IFT57: variants seen among roughly 807,000 people sequenced by gnomAD.
IFT57 encodes intraflagellar transport 57, also known as intraflagellar transport protein 57 homolog.
Under a neutral mutation model 56.8 loss-of-function variants are expected in IFT57, and 59 were observed. The observed-to-expected ratio is 1.04, with a 90% CI of 0.84 to 1.29. IFT57 has a LOEUF of 1.29. IFT57 is among the 50% of genes most tolerant of loss of function. IFT57 has a pLI of 0.00. For synonymous variants in IFT57, 209 were observed against 186.1 expected (o/e 1.12, Z -1.00); for missense variants, 470 against 522.1 (o/e 0.90, Z 0.97).
At chr3:108,210,756 C>A (rs1236344246) in intron 4 of IFT57, among the ~76,000 whole-genome samples, 1 of 152,052 alleles carries the variant, frequency 6.6e-6, no homozygotes, top group Non-Finnish European at 1.5e-5. Flanking sequence ...TAAAAGAGGG[C>A]TCCTTAGAAT....
rs115834344 is a variant in IFT57 at position 108,206,476 on chromosome 3, A to G, written c.654+152T>C. ...CTGGATTTTTATATTTGCTATAATTATAACATTTTATATATAGGAAAGCAA... is the reference window on the plus strand; with the variant it reads ...CTGGATTTTTATATTTGCTATAATTGTAACATTTTATATATAGGAAAGCAA... On this transcript the variant is annotated intron_variant, in intron 5 of 10. Coordinates refer to ENST00000264538, the MANE Select transcript of IFT57 (RefSeq NM_018010.4). 1,203 of 322,474 alleles carry G rather than the reference A, an allele frequency of 3.7e-3. 14 individuals carry two copies. Among genetic ancestry groups the G allele is most frequent in the African/African-American group, 0.024 (1,086 of 45,968 alleles). 20.0% of individuals were successfully genotyped at this position (322,474 alleles called of 1,614,324 possible).
intron 4 of IFT57, among the ~76,000 whole-genome samples, chr3:108,209,710 C>T (rs35876429): frequency 0.24 from 37,194 of 152,140 alleles, 5,991 homozygotes; most frequent in Non-Finnish European, 0.34. Context: ...ATTATCTTTG[C>T]CTCATTGTCA....
chr3:108,186,096 T>C lies in IFT57; in HGVS notation c.777+5425A>G, dbSNP rs1374370937. 3.3e-5 allele frequency among the ~76,000 whole-genome samples: 5 copies of C among 152,054 alleles called. No individual in the cohort carries two copies. The East Asian group carries it at 9.7e-4, about 29-fold the overall frequency. ...AAGTCTTATTACACATAGTACTCTA[T>C]GGAAAGAATTGTCAACACTGTGGAT... On this transcript the variant is annotated intron_variant, in intron 6 of 10. Coordinates refer to ENST00000264538, the MANE Select transcript of IFT57 (RefSeq NM_018010.4).
At chr3:108,219,059 G>C (rs918670447) in intron 2 of IFT57, among the ~76,000 whole-genome samples, 2 of 152,074 alleles carry the variant, frequency 1.3e-5, no homozygotes, top group Admixed American at 1.3e-4. Flanking sequence ...TACAACTGCT[G>C]TCATGGTCTT....
chr3:108,166,788 T>C (rs1487450159), intron 8 of IFT57, 66 bp downstream of exon 8: 1 of 1,359,782 alleles, frequency 7.4e-7, no homozygotes, highest in African/African-American at 1.5e-5. Context: ...ATGAACAGTA[T>C]TGTGTCAAGT....
At chr3:108,174,732 T>C (rs28377152) in intron 6 of IFT57, among the ~76,000 whole-genome samples, 14,573 of 151,760 alleles carry the variant, frequency 0.096, 764 homozygotes, top group Middle Eastern at 0.12. Context: ...CATCCATTCA[T>C]CTGCTCTCCT....
intron 3 of IFT57, among the ~76,000 whole-genome samples, chr3:108,216,154 A>T (rs1353939945): frequency 6.6e-6 from 1 of 152,200 alleles, no homozygotes; most frequent in Non-Finnish European, 1.5e-5. Context: ...AACTTAAGGA[A>T]ACAATCAAAA....
At position 108,210,332 on chromosome 3, in the gene IFT57, C is replaced by CTTTTTTTTTTT. The variant is rs35896793; in HGVS notation, c.585+3588_585+3598dup. Among the ~76,000 whole-genome samples the CTTTTTTTTTTT allele has an allele frequency of 2.4e-4, 26 of 107,986 alleles. 2 individuals are homozygous for CTTTTTTTTTTT. The highest frequency in any genetic ancestry group is 7.5e-4 in the African/African-American group (21 of 28,054). 70.8% of individuals were successfully genotyped at this position (107,986 alleles called of 152,430 possible). On this transcript the variant is annotated intron_variant, in intron 4 of 10. Coordinates refer to ENST00000264538, the MANE Select transcript of IFT57 (RefSeq NM_018010.4). The stretch of plus-strand genomic sequence containing the variant: ...CAGAACTTTGACTGTCAGAAATAAT[C>CTTTTTTTTTTT]TTTTTTTTTTTTTTTTTTTGAGACA...
intron 10 of IFT57, among the ~76,000 whole-genome samples, chr3:108,162,949 G>A (rs9860587): frequency 0.096 from 14,626 of 151,932 alleles, 766 homozygotes; most frequent in Middle Eastern, 0.12. Context: ...TTATGAGCTA[G>A]TATATTTGTC....
At chr3:108,162,696 G>GGGCCGGGCGC in intron 10 of IFT57, 41 bp from the exon 11 acceptor site, 3 of 1,472,542 alleles carry the variant, frequency 2.0e-6, no homozygotes, top group Non-Finnish European at 2.8e-6. Flanking sequence ...TGTTCATTTG[G>GGGCCGGGCGC]AGTATCAGTG....
intron 5 of IFT57, among the ~76,000 whole-genome samples, chr3:108,201,434 C>T (rs1339504997): frequency 6.6e-6 from 1 of 152,180 alleles, no homozygotes; most frequent in Non-Finnish European, 1.5e-5. Flanking sequence ...TTCCTATTCA[C>T]CTCCAGATGT....
At chr3:108,218,312 G>T in intron 3 of IFT57, 1 of 311,612 alleles carries the variant, frequency 3.2e-6, no homozygotes, top group East Asian at 5.4e-5. Context: ...TATTTGAACA[G>T]GAAAACGGCA....
chr3:108,191,262 T>G (rs2080213616), intron 6 of IFT57, among the ~76,000 whole-genome samples: 1 of 152,218 alleles, frequency 6.6e-6, no homozygotes, highest in South Asian at 2.1e-4. Flanking sequence ...GAAAATCTTC[T>G]GAGAAAATAC....
At chr3:108,194,123 G>A (rs1171587906) in intron 5 of IFT57, among the ~76,000 whole-genome samples, 2 of 152,264 alleles carry the variant, frequency 1.3e-5, no homozygotes, top group Admixed American at 6.5e-5. Context: ...TAGAATGCAG[G>A]TATTGCATCA....
At chr3:108,213,888 G>C in intron 4 of IFT57, 43 bp downstream of exon 4, 5 of 1,153,628 alleles carry the variant, frequency 4.3e-6, no homozygotes, top group Non-Finnish European at 6.5e-6. Flanking sequence ...ATGGGAAGTG[G>C]CCGAAAGGTG....
At chr3:108,191,480 C>CTTT (rs60290956) in intron 6 of IFT57, 41 bp downstream of exon 6, 2,561 of 1,188,348 alleles carry the variant, frequency 2.2e-3, no homozygotes, top group African/African-American at 5.2e-3. Context: ...TTCCTTATAA[C>CTTT]TTTTTTTTTT....
intron 6 of IFT57, among the ~76,000 whole-genome samples, chr3:108,187,659 G>T (rs1438397575): frequency 6.6e-6 from 1 of 150,896 alleles, no homozygotes; most frequent in African/African-American, 2.4e-5. Context: ...AAAAAAGTGT[G>T]AGAGAAAAAC....
chr3:108,167,060 A>T (rs1004650247), intron 7 of IFT57, 75 bp from the exon 8 acceptor site: 2 of 1,294,850 alleles, frequency 1.5e-6, no homozygotes, highest in Non-Finnish European at 2.1e-6. Flanking sequence ...AATGGGTTAC[A>T]TCTCAATCCA....
intron 5 of IFT57, among the ~76,000 whole-genome samples, chr3:108,197,338 A>C (rs1355117193): frequency 6.6e-6 from 1 of 152,226 alleles, no homozygotes; most frequent in Non-Finnish European, 1.5e-5. Flanking sequence ...GTCTGAGGCC[A>C]GTTAATGGGA....
Sources: allele counts gnomAD v4.1 joint callset (sites outside exome capture counted in the v4.1 genomes callset), GRCh38; gene constraint gnomAD v4.1.1; transcripts MANE v1.5; gene names NCBI Gene and HGNC (gene_info 2026-07-23, HGNC 2026-07-21).